FGB: variants seen among roughly 807,000 people sequenced by gnomAD.
FGB encodes fibrinogen beta chain, also known as beta-fibrinogen.
In FGB, 25 loss-of-function variants were observed where a neutral mutation model predicts 57.9. The observed-to-expected ratio is 0.43, with a 90% CI of 0.31 to 0.60. FGB has a LOEUF of 0.60. Among genes scored for constraint, FGB ranks in the 20% least tolerant of loss-of-function variants. The probability of loss-of-function intolerance (pLI) is 0.08; values close to 1 mark genes in which losing one functional copy is unlikely to be tolerated. For missense variants in FGB, 536 were observed against 598.4 expected, an observed-to-expected ratio of 0.90 and a Z score of 1.09; for synonymous variants, 203 against 199.2, an observed-to-expected ratio of 1.02 and a Z score of -0.16.
chr4:154,567,527 T>C lies in FGB; in HGVS notation c.491-66T>C, dbSNP rs1207200699. On this transcript the variant is annotated intron_variant, in intron 3 of 7. Transcript: ENST00000302068. Reference sequence around the variant, plus strand: ...TTATTCTCAGAAAATCAAAATTGTATAGTTAAATACATTAGTTTTATGAGG... The same window carrying C: ...TTATTCTCAGAAAATCAAAATTGTACAGTTAAATACATTAGTTTTATGAGG... 1.7e-5 allele frequency: 16 copies of C among 947,160 alleles called. No individual in the cohort carries two copies. In the East Asian group the frequency reaches 3.5e-4, roughly 20 times the overall value. 58.7% of individuals were successfully genotyped at this position (947,160 alleles called of 1,614,324 possible). A position where few individuals can be genotyped will look rare whatever the true frequency, so the allele number is the denominator to read the frequency against.
At position 154,567,643 on chromosome 4, in the gene FGB, T is replaced by C. The variant is rs1477831506; in HGVS notation, c.541T>C (p.Leu181=). 2 of 1,612,978 alleles carry C rather than the reference T, an allele frequency of 1.2e-6. No individual in the cohort carries two copies. The highest frequency in any genetic ancestry group is 1.7e-6 in the Non-Finnish European group (2 of 1,178,970). Residue 181 remains leucine, a synonymous_variant, in exon 4 of 8, where the codon TTA becomes CTA. Transcript: ENST00000302068. ...EYSSELEKHQ[L]YIDETVNSNI... ...CTCCTCAGAACTGGAAAAGCACCAA[T>C]TATATATAGATGAGACTGTGAATAG...
At position 154,567,679 on chromosome 4, in the gene FGB, A is replaced by T; in HGVS notation, c.577A>T (p.Thr193Ser). 5 of 1,613,920 alleles carry T rather than the reference A, an allele frequency of 3.1e-6. No individual in the cohort carries two copies. The South Asian group carries it at 3.3e-5, about 11-fold the overall frequency. Residue 193 changes from threonine to serine, a missense_variant, in exon 4 of 8, where the codon ACT becomes TCT. Thr to Ser is a moderately conservative substitution (Grantham distance 58). Coordinates refer to ENST00000302068, the MANE Select transcript of FGB (RefSeq NM_005141.5). Reference protein sequence around the residue: ...IDETVNSNIPTNLRVLRSILE... With the variant: ...IDETVNSNIPSNLRVLRSILE... Reference sequence around the variant, plus strand: ...TGAGACTGTGAATAGCAATATCCCAACTAACCTTCGTGTGCTTCGTTCAAT... The same window carrying T: ...TGAGACTGTGAATAGCAATATCCCATCTAACCTTCGTGTGCTTCGTTCAAT...
chr4:154,568,371 A>C lies in FGB; in HGVS notation c.719-10A>C, dbSNP rs763458371. On this transcript the variant is annotated splice_polypyrimidine_tract_variant and intron_variant, in intron 4 of 7. Coordinates refer to ENST00000302068, the MANE Select transcript of FGB (RefSeq NM_005141.5). The stretch of plus-strand genomic sequence containing the variant: ...AAACCCCTGAACATAATGTTGTCTT[A>C]CATTTGCAGAATGTGAGGAAATTAT... The C allele has an allele frequency of 7.2e-7, 1 of 1,391,174 alleles. No individual in the cohort carries two copies. The highest frequency in any genetic ancestry group is 1.2e-5 in the South Asian group (1 of 86,564). The allele number at this position is 1,391,174 out of a possible 1,614,324, so 86.2% of individuals were successfully genotyped here. A position where few individuals can be genotyped will look rare whatever the true frequency, so the allele number is the denominator to read the frequency against.
rs963754241 is a variant in FGB at position 154,570,969 on chromosome 4, C to T, written c.*319C>T. 5.7e-5 allele frequency: 21 copies of T among 366,470 alleles called. 1 individual carries two copies. Among genetic ancestry groups the T allele is most frequent in the Admixed American group, 1.7e-4 (4 of 23,954 alleles). The allele number at this position is 366,470 out of a possible 1,614,324, so 22.7% of individuals were successfully genotyped here. On this transcript the variant is annotated 3_prime_UTR_variant, in exon 8 of 8. Transcript: ENST00000302068. Reference sequence around the variant, plus strand: ...TATCCTTGTCGTAGGAAAACCATGACGGAAAGGAAAAACTGATGTTTAAAA... The same window carrying T: ...TATCCTTGTCGTAGGAAAACCATGATGGAAAGGAAAAACTGATGTTTAAAA...
rs2110790854 is a variant in FGB, at chr4:154,572,725, G to A, written c.*2075G>A. On this transcript the variant is annotated 3_prime_UTR_variant, in exon 8 of 8. Coordinates refer to ENST00000302068, the MANE Select transcript of FGB (RefSeq NM_005141.5). ...GTCATACAAAGTGTTTAACATATAC[G>A]ATTTCATGATTTTGGAAATATGCAT... Among the ~76,000 whole-genome samples, 1 of 152,164 alleles carries A rather than the reference G, an allele frequency of 6.6e-6. No individual in the cohort carries two copies.
In FGB at chr4:154,563,013, G is replaced by C; in HGVS notation, c.-6G>C. On this transcript the variant is annotated 5_prime_UTR_variant, in exon 1 of 8. Transcript: ENST00000302068. ...ATAGGATTGAAGATCTCTCAGTTAAGTCTACATGAAAAGGATGGTTTCTTG... is the reference window on the plus strand; with the variant it reads ...ATAGGATTGAAGATCTCTCAGTTAACTCTACATGAAAAGGATGGTTTCTTG... The C allele has an allele frequency of 2.8e-6, 4 of 1,411,092 alleles. No homozygotes were observed. The highest frequency in any genetic ancestry group is 3.9e-6 in the Non-Finnish European group (4 of 1,015,240). 87.4% of individuals were successfully genotyped at this position (1,411,092 alleles called of 1,614,324 possible). A position where few individuals can be genotyped will look rare whatever the true frequency, so the allele number is the denominator to read the frequency against.
chr4:154,564,263 T>G (rs949293436), intron 1 of FGB, among the ~76,000 whole-genome samples: 7 of 152,090 alleles, frequency 4.6e-5, no homozygotes, highest in Non-Finnish European at 8.8e-5. Context: ...TGTTTTTCTT[T>G]AAGTATATAC....
rs550829516 is a variant in FGB, at chr4:154,572,088, C to A, written c.*1438C>A. 1.3e-5 allele frequency among the ~76,000 whole-genome samples: 2 copies of A among 152,278 alleles called. No individual in the cohort carries two copies. Among genetic ancestry groups the A allele is most frequent in the South Asian group, 4.1e-4 (2 of 4,828 alleles). On this transcript the variant is annotated 3_prime_UTR_variant, in exon 8 of 8. Coordinates refer to ENST00000302068, the MANE Select transcript of FGB (RefSeq NM_005141.5). ...CTGCTTAACATTAGCTCCTTCCTAT[C>A]TATATCCAAATTTCTTAAATTCAAA...
chr4:154,565,010 C>T (rs555760616), intron 1 of FGB, among the ~76,000 whole-genome samples: 48 of 152,042 alleles, frequency 3.2e-4, no homozygotes, highest in Non-Finnish European at 6.6e-4. Flanking sequence ...AAGTGAAATT[C>T]GAAGTGGAGA....
Position 154,570,434 on chromosome 4 carries a change from C to T in FGB, c.1260C>T (p.Pro420=). The T allele has an allele frequency of 1.2e-6, 2 of 1,613,666 alleles. No individual in the cohort carries two copies. Among genetic ancestry groups the T allele is most frequent in the South Asian group, 1.1e-5 (1 of 91,072 alleles). The change falls in exon 8 of 8, where the codon CCC becomes CCT. Residue 420 remains proline (P), a synonymous_variant. Coordinates refer to ENST00000302068, the MANE Select transcript of FGB (RefSeq NM_005141.5). ...RDNDGWLTSD[P]RKQCSKEDGG... ...TTTCTTTCAGGTTAACATCAGATCC[C>T]AGAAAACAGTGTTCTAAAGAAGACG...
rs1266809295 is a variant in FGB at position 154,571,616 on chromosome 4, G to A, written c.*966G>A. ...TTTAAGCGAAATAATGAAATAGGGA[G>A]CAGAATATGCCTGTTGCCCATAGAA... On this transcript the variant is annotated 3_prime_UTR_variant, in exon 8 of 8. Transcript: ENST00000302068. Among the ~76,000 whole-genome samples the A allele has an allele frequency of 6.6e-6, 1 of 152,140 alleles. No individual in the cohort carries two copies. The highest frequency in any genetic ancestry group is 2.4e-5 in the African/African-American group (1 of 41,418).
At position 154,571,570 on chromosome 4, in the gene FGB, T is replaced by C. The variant is rs1012976999; in HGVS notation, c.*920T>C. 7.9e-5 allele frequency among the ~76,000 whole-genome samples: 12 copies of C among 152,112 alleles called. No homozygotes were observed. Among genetic ancestry groups the C allele is most frequent in the Admixed American group, 7.2e-4 (11 of 15,270 alleles). On this transcript the variant is annotated 3_prime_UTR_variant, in exon 8 of 8. Coordinates refer to ENST00000302068, the MANE Select transcript of FGB (RefSeq NM_005141.5). ...AGAGATTCCAAGAGGACAATCTGCA[T>C]CAAGTCTTCACCAAGTGTTTTTTAA...
chr4:154,565,604 T>C (rs539813952), intron 1 of FGB: 1 of 593,300 alleles, frequency 1.7e-6, no homozygotes, highest in African/African-American at 1.9e-5. Context: ...CACTGCATCA[T>C]AGCTTTTTTG....
intron 3 of FGB, chr4:154,566,880 T>A (rs368199571): frequency 1.7e-6 from 1 of 578,338 alleles, no homozygotes; most frequent in Non-Finnish European, 3.1e-6. Flanking sequence ...TGATTTTCTA[T>A]GAAAAATTCT....
Position 154,566,566 on chromosome 4 carries a change from T to C in FGB, c.384T>C (p.Asp128=). ...AAAGGCCAATCAGAAATAGTGTTGA[T>C]GAGTTAAATAACAATGTGGAAGCTG... ...QQERPIRNSV[D]ELNNNVEAVS... Residue 128 remains aspartate (D), a synonymous_variant, in exon 3 of 8, where the codon GAT becomes GAC. Transcript: ENST00000302068. The C allele has an allele frequency of 1.2e-6, 2 of 1,613,940 alleles. No homozygotes were observed. The highest frequency in any genetic ancestry group is 2.2e-5 in the East Asian group (1 of 44,864).
At chr4:154,570,347 T>C in intron 7 of FGB, 72 bp from the exon 8 acceptor site, 2 of 1,129,188 alleles carry the variant, frequency 1.8e-6, no homozygotes, top group Non-Finnish European at 2.7e-6. Context: ...CAGTCTTTTA[T>C]GGGTAATCTG....
intron 5 of FGB, among the ~76,000 whole-genome samples, chr4:154,568,700 C>A (rs911138465): frequency 2.3e-5 from 3 of 129,546 alleles, no homozygotes; most frequent in Admixed American, 8.3e-5. Flanking sequence ...AAAAAAATAC[C>A]AAAAAAAAAA....
intron 7 of FGB, among the ~76,000 whole-genome samples, chr4:154,570,199 A>G (rs1730360729): frequency 6.6e-6 from 1 of 152,206 alleles, no homozygotes; most frequent in Non-Finnish European, 1.5e-5. Context: ...TAAAGTAACA[A>G]ACACAGTCCC....
intron 6 of FGB, 58 bp downstream of exon 6, chr4:154,569,365 TA>T (rs1730314401): frequency 6.2e-7 from 1 of 1,608,828 alleles, no homozygotes; most frequent in South Asian, 1.1e-5. Flanking sequence ...TTTTTTTAAT[TA>T]AAAAACATTC....
Sources: allele counts gnomAD v4.1 joint callset (sites outside exome capture counted in the v4.1 genomes callset), GRCh38; gene constraint gnomAD v4.1.1; transcripts MANE v1.5; gene names NCBI Gene and HGNC (gene_info 2026-07-23, HGNC 2026-07-21).